Variants in GPATCH2L observed in about 807,000 individuals in gnomAD.
GPATCH2L encodes the protein G patch domain-containing protein 2-like.
GPATCH2L carries 31 observed loss-of-function variants against 57.4 expected under a neutral mutation model. That is an observed-to-expected ratio of 0.54 (90% confidence interval 0.41 to 0.73). The LOEUF (loss-of-function observed/expected upper bound fraction) is 0.73. GPATCH2L is among the 30% of genes least tolerant of loss of function. The pLI is 0.00. For synonymous variants in GPATCH2L, 199 were observed against 210.7 expected (o/e 0.94, Z 0.48); for missense variants, 481 against 599.9 (o/e 0.80, Z 2.07).
chr14:76,216,828 A>G (rs2040491939), downstream of GPATCH2L, among the ~76,000 whole-genome samples: 1 of 152,184 alleles, frequency 6.6e-6, no homozygotes, highest in African/African-American at 2.4e-5. Flanking sequence ...AGGTGCATGC[A>G]TAGATTAATG....
intron 1 of GPATCH2L, among the ~76,000 whole-genome samples, chr14:76,228,453 G>T (rs78729381): frequency 6.6e-6 from 1 of 152,116 alleles, no homozygotes; most frequent in Non-Finnish European, 1.5e-5. Context: ...GTAACTTTCC[G>T]CATTGTGCCA....
intron 1 of GPATCH2L, among the ~76,000 whole-genome samples, chr14:76,221,988 T>C (rs1439985775): frequency 6.6e-6 from 1 of 152,208 alleles, no homozygotes; most frequent in East Asian, 1.9e-4. Flanking sequence ...ATGATAAAGA[T>C]GTGTAACTGT....
intron 2 of GPATCH2L, among the ~76,000 whole-genome samples, chr14:76,231,079 T>C (rs74069122): frequency 1.6e-3 from 243 of 152,384 alleles, no homozygotes; most frequent in African/African-American, 5.5e-3. Context: ...TTCAGCCTTC[T>C]GACACTCTTT....
intron 2 of GPATCH2L, chr14:76,230,071 C>T (rs1238318479): frequency 6.6e-6 from 1 of 152,196 alleles, no homozygotes; most frequent in Non-Finnish European, 1.5e-5. Context: ...GGCTGGTCTG[C>T]CTTGACTCAC....
At chr14:76,166,031 A>G (rs1037673438) in intron 2 of GPATCH2L, among the ~76,000 whole-genome samples, 7 of 152,250 alleles carry the variant, frequency 4.6e-5, no homozygotes, top group African/African-American at 1.7e-4. Flanking sequence ...AGCTCAGAAA[A>G]TGAAACTGGG....
At chr14:76,173,481 T>C in intron 4 of GPATCH2L, 65 bp from the exon 5 acceptor site, 6 of 1,018,310 alleles carry the variant, frequency 5.9e-6, no homozygotes, top group Non-Finnish European at 7.5e-6. Flanking sequence ...TTCAGTGTAC[T>C]AGAAACATAG....
At chr14:76,178,879 A>T (rs562817359) in intron 7 of GPATCH2L, 39 of 152,394 alleles carry the variant, frequency 2.6e-4, no homozygotes, top group African/African-American at 9.4e-4. Context: ...CCCTTGGCAT[A>T]TTTAGGCCCA....
intron 9 of GPATCH2L, chr14:76,196,569 T>A: frequency 6.3e-6 from 1 of 159,762 alleles, no homozygotes; most frequent in East Asian, 1.8e-4. Context: ...ATGCTCCATA[T>A]GATGAACTTG....
chr14:76,193,579 A>G (rs1019144396), intron 8 of GPATCH2L, among the ~76,000 whole-genome samples: 2 of 152,142 alleles, frequency 1.3e-5, no homozygotes, highest in African/African-American at 4.8e-5. Context: ...AGAAATATAC[A>G]CTTGATAAAC....
intron 2 of GPATCH2L, 85 bp downstream of exon 2, chr14:76,155,110 C>T (rs2038244036): frequency 9.2e-7 from 1 of 1,086,850 alleles, no homozygotes. Context: ...GTTCTACCTT[C>T]TTTCAAACCA....
At position 76,154,915 on chromosome 14, in the gene GPATCH2L, G is replaced by T. The variant is rs775972956; in HGVS notation, c.552G>T (p.Leu184Phe). 24 of 1,614,066 alleles carry T rather than the reference G, an allele frequency of 1.5e-5. No homozygotes were observed. The East Asian group carries it at 3.6e-4, about 24-fold the overall frequency. The change falls in exon 2 of 10, where the codon TTG becomes TTT. Residue 184 changes from leucine to phenylalanine, a missense_variant. Leu to Phe is a conservative substitution (Grantham distance 22). This residue lies in a region of GPATCH2L where 208 missense variants were observed against 272.4 expected (regional missense o/e 0.76). Transcript: ENST00000261530. This position sits in a 1 kb window ranked among gnomAD's most constrained non-coding sequence, Gnocchi z 4.4. ...NTPWTSSGHG[L>F]CESAENRTFL... ...CCTGGACCTCATCAGGCCACGGATT[G>T]TGTGAATCAGCAGAAAATAGGACTT...
chr14:76,230,459 T>C (rs2040555911), intron 2 of GPATCH2L: 1 of 152,128 alleles, frequency 6.6e-6, no homozygotes, highest in South Asian at 2.1e-4. Flanking sequence ...AACTGTAGAA[T>C]AGATGGAATA....
chr14:76,173,084 G>T (rs2039160138), intron 4 of GPATCH2L, among the ~76,000 whole-genome samples: 1 of 152,116 alleles, frequency 6.6e-6, no homozygotes, highest in South Asian at 2.1e-4. Flanking sequence ...TTCTTTCCTT[G>T]TGTAGAACAC....
In GPATCH2L at chr14:76,166,744, C is replaced by G. The variant is rs2038859706; in HGVS notation, c.727+17C>G. 1.9e-6 allele frequency: 3 copies of G among 1,547,482 alleles called. No individual in the cohort carries two copies. The highest frequency in any genetic ancestry group is 2.7e-6 in the Non-Finnish European group (3 of 1,119,558). On this transcript the variant is annotated intron_variant, in intron 3 of 9. Coordinates refer to ENST00000261530, the MANE Select transcript of GPATCH2L (RefSeq NM_017926.4). Reference sequence around the variant, plus strand: ...GGCGACAAGGTAATGTCGATCCCAGCTTTGGGACCTTGGTTCCGTGTTTAT... The same window carrying G: ...GGCGACAAGGTAATGTCGATCCCAGGTTTGGGACCTTGGTTCCGTGTTTAT...
chr14:76,218,163 A>G (rs1355560489), downstream of GPATCH2L, among the ~76,000 whole-genome samples: 1 of 152,178 alleles, frequency 6.6e-6, no homozygotes, highest in Non-Finnish European at 1.5e-5. Flanking sequence ...AACAAGAAAA[A>G]GATGTCCACT....
In GPATCH2L at chr14:76,194,746, T is replaced by G. The variant is rs116825079; in HGVS notation, c.1194-1132T>G. ...TTATATGTTATTTACTTTGGCTAGT[T>G]TTTTAAAATTGTGGTAAAATGTACA... is the stretch of plus-strand genomic sequence containing the variant. On this transcript the variant is annotated intron_variant, in intron 8 of 9. Coordinates refer to ENST00000261530, the MANE Select transcript of GPATCH2L (RefSeq NM_017926.4). 2.8e-3 allele frequency among the ~76,000 whole-genome samples: 433 copies of G among 152,026 alleles called. 1 individual carries two copies. Among genetic ancestry groups the G allele is most frequent in the African/African-American group, 1.0e-2 (413 of 41,308 alleles).
Position 76,204,424 on chromosome 14 carries a change from T to G in GPATCH2L, c.*2573T>G, listed in dbSNP as rs1024535504. 6.6e-6 allele frequency: 1 copy of G among 152,160 alleles called. No individual in the cohort carries two copies. The highest frequency in any genetic ancestry group is 1.5e-5 in the Non-Finnish European group (1 of 68,036). The allele number at this position is 152,160 out of a possible 1,614,324, so 9.4% of individuals were successfully genotyped here. On this transcript the variant is annotated 3_prime_UTR_variant, in exon 10 of 10. Coordinates refer to ENST00000261530, the MANE Select transcript of GPATCH2L (RefSeq NM_017926.4). Reference sequence around the variant, plus strand: ...CAGGGTTGTAAATTGTGCTCCTCATTTTAAGGTGCTGTACGTGCATGTTTA... The same window carrying G: ...CAGGGTTGTAAATTGTGCTCCTCATGTTAAGGTGCTGTACGTGCATGTTTA...
At chr14:76,221,169 G>GA (rs369343411) in intron 1 of GPATCH2L, among the ~76,000 whole-genome samples, 383 of 119,350 alleles carry the variant, frequency 3.2e-3, no homozygotes, top group African/African-American at 8.5e-3. Flanking sequence ...TCAGCAATAA[G>GA]AAAAAAAAAA....
chr14:76,193,518 TGTTTTAAATTAAC>T (rs2040050761), intron 8 of GPATCH2L, among the ~76,000 whole-genome samples: 8 of 152,196 alleles, frequency 5.3e-5, no homozygotes, highest in Admixed American at 5.2e-4. Context: ...GAAGAAGCAA[TGTTTTAAATTAAC>T]TTTTTATTGA....
Sources: gnomAD v4.1 joint callset for allele counts (sites outside exome capture counted in the v4.1 genomes callset) on GRCh38, gnomAD v4.1.1 for gene constraint, gnomAD v4.1.1 regional missense constraint, Gnocchi (gnomAD v3.1) non-coding constraint, MANE v1.5 for transcripts, NCBI Gene and HGNC (gene_info 2026-07-23, HGNC 2026-07-21) for gene names.